The following TENM1 variants were observed in gnomAD, a reference collection of about 807,000 sequenced individuals.
TENM1 encodes teneurin transmembrane protein 1, also known as teneurin-1.
Under a neutral mutation model 174.8 loss-of-function variants are expected in TENM1, and 35 were observed. That is an observed-to-expected ratio of 0.20 (90% confidence interval 0.15 to 0.27). TENM1 has a LOEUF of 0.27. TENM1 is among the 10% of genes least tolerant of loss of function. The probability of loss-of-function intolerance (pLI) is 1.00; values close to 1 mark genes in which losing one functional copy is unlikely to be tolerated. For synonymous variants in TENM1, 781 were observed against 798.7 expected (o/e 0.98, Z 0.37); for missense variants, 1,633 against 2,130.1 (o/e 0.77, Z 4.59).
At chrX:125,006,769 A>AG in the TENM1 span, among the ~76,000 whole-genome samples, 1 of 111,709 alleles carries the variant, frequency 9.0e-6, no homozygotes, top group African/African-American at 3.3e-5. Flanking sequence ...GACCTGCAGA[A>AG]GGGGGGCTTG....
At chrX:124,983,506 T>C in the TENM1 span, among the ~76,000 whole-genome samples, 2 of 111,971 alleles carry the variant, frequency 1.8e-5, no homozygotes, top group East Asian at 5.6e-4. Flanking sequence ...GTAGAGAAAG[T>C]GACCAACCCA....
At chrX:125,170,510 T>C in the TENM1 span, among the ~76,000 whole-genome samples, 1 of 111,455 alleles carries the variant, frequency 9.0e-6, no homozygotes, top group Non-Finnish European at 1.9e-5. Flanking sequence ...TAAAATGAGT[T>C]CAGACGATCT....
chrX:124,576,039 A>G (rs896505063), intron 11 of TENM1, among the ~76,000 whole-genome samples: 5 of 111,366 alleles, frequency 4.5e-5, no homozygotes, highest in Admixed American at 1.9e-4. Context: ...TCAGGGTAAA[A>G]CCCAACCCTA....
exon 32 of TENM1, chrX:124,379,497 C>T (rs918911878): frequency 2.7e-5 from 3 of 111,917 alleles, no homozygotes; most frequent in East Asian, 2.8e-4. Flanking sequence ...CACTTAAGTA[C>T]CAGGTCTATT....
intron 18 of TENM1, among the ~76,000 whole-genome samples, chrX:124,516,450 C>T (rs1024248968): frequency 5.4e-5 from 6 of 111,844 alleles, no homozygotes; most frequent in Non-Finnish European, 9.4e-5. Flanking sequence ...GCAAACTATG[C>T]ATCTGACAAA....
At chrX:124,638,032 C>G (rs2050921498) in intron 11 of TENM1, among the ~76,000 whole-genome samples, 1 of 112,103 alleles carries the variant, frequency 8.9e-6, no homozygotes, top group African/African-American at 3.2e-5. Context: ...AATATTGAAT[C>G]AGATACCTAC....
intron 3 of TENM1, among the ~76,000 whole-genome samples, chrX:124,797,110 G>A (rs748315473): frequency 1.5e-4 from 17 of 111,718 alleles, no homozygotes; most frequent in South Asian, 7.5e-4. Context: ...TATTTGTTCC[G>A]TGTCCAAAAG....
At chrX:124,856,821 G>T (rs1341583852) in intron 3 of TENM1, among the ~76,000 whole-genome samples, 1 of 110,903 alleles carries the variant, frequency 9.0e-6, no homozygotes, top group Non-Finnish European at 1.9e-5. Context: ...CGTGGTAGTG[G>T]GTTGTGAAAT....
At chrX:124,843,064 C>T (rs1031899361) in intron 3 of TENM1, among the ~76,000 whole-genome samples, 7 of 111,118 alleles carry the variant, frequency 6.3e-5, no homozygotes, top group South Asian at 3.8e-4. Context: ...CAGTGATGAA[C>T]GCCTTAAATG....
intron 29 of TENM1, among the ~76,000 whole-genome samples, 148 bp downstream of exon 32, chrX:124,385,513 CTATAACATGCTTTACA>C (rs1250672237): frequency 8.9e-6 from 1 of 112,488 alleles, no homozygotes; most frequent in Non-Finnish European, 1.9e-5. Context: ...TTTCATCAGA[CTATAACATGCTTTACA>C]TTTTCAATGT....
At chrX:124,985,304 C>T in the TENM1 span, among the ~76,000 whole-genome samples, 1 of 112,346 alleles carries the variant, frequency 8.9e-6, no homozygotes, top group African/African-American at 3.2e-5. Context: ...AAAGCATACT[C>T]TTTGATTAAG....
chrX:124,681,372 G>C (rs990358685), intron 5 of TENM1, among the ~76,000 whole-genome samples: 1 of 111,742 alleles, frequency 8.9e-6, no homozygotes, highest in Non-Finnish European at 1.9e-5. Flanking sequence ...GACCCAGTTT[G>C]TTCTGGGTTT....
chrX:124,752,915 G>T (rs1298163605), intron 3 of TENM1, among the ~76,000 whole-genome samples: 1 of 110,907 alleles, frequency 9.0e-6, no homozygotes, highest in Admixed American at 9.6e-5. Flanking sequence ...ATAGTTTGAA[G>T]TCAGGTAGCA....
chrX:124,645,534 T>C (rs1252898498), intron 9 of TENM1, among the ~76,000 whole-genome samples, 197 bp from the exon 13 acceptor site: 1 of 112,027 alleles, frequency 8.9e-6, no homozygotes, highest in Admixed American at 9.5e-5. Flanking sequence ...ATTAAAAATA[T>C]CCTGAGTGGA....
chrX:124,778,128 A>C (rs2054825594), intron 3 of TENM1, among the ~76,000 whole-genome samples: 1 of 113,167 alleles, frequency 8.8e-6, no homozygotes, highest in Non-Finnish European at 1.9e-5. Context: ...CTTAAATTGC[A>C]AACTACTTTT....
At chrX:124,905,314 A>T (rs1204323393) in intron 1 of TENM1, among the ~76,000 whole-genome samples, 2 of 111,178 alleles carry the variant, frequency 1.8e-5, no homozygotes, top group African/African-American at 6.5e-5. Flanking sequence ...TAAATAAATA[A>T]ATGAATGAAT....
chrX:124,811,277 T>A (rs1023452957), intron 3 of TENM1, among the ~76,000 whole-genome samples: 2 of 111,387 alleles, frequency 1.8e-5, no homozygotes, highest in African/African-American at 6.5e-5. Flanking sequence ...TGATAAGGGG[T>A]TAATATCTAA....
At chrX:124,481,962 G>C in exon 22 of TENM1, 2 of 1,149,692 alleles carry the variant, frequency 1.7e-6, no homozygotes, top group Non-Finnish European at 2.3e-6. Flanking sequence ...AGCAGGACTT[G>C]TGCTAAGGAA....
intron 25 of TENM1, among the ~76,000 whole-genome samples, chrX:124,415,333 A>G (rs1178544011): frequency 1.8e-5 from 2 of 111,890 alleles, no homozygotes; most frequent in Non-Finnish European, 3.8e-5. Flanking sequence ...TCTCCTTTCA[A>G]CAGATGCTAT....
Sources: gnomAD v4.1 joint callset for allele counts (sites outside exome capture counted in the v4.1 genomes callset) on GRCh38, gnomAD v4.1.1 for gene constraint, MANE v1.5 for transcripts, NCBI Gene and HGNC (gene_info 2026-07-23, HGNC 2026-07-21) for gene names.